CADPS: variants seen among roughly 807,000 people sequenced by gnomAD.
CADPS encodes the protein calcium dependent secretion activator.
In CADPS, 57 loss-of-function variants were observed where a neutral mutation model predicts 167.3. The ratio of observed to expected loss-of-function variants is 0.34; its 90% CI spans 0.28 to 0.42. The LOEUF (loss-of-function observed/expected upper bound fraction) is 0.42, where lower values mean the gene tolerates loss of function less well. Ranked by LOEUF, CADPS falls within the 20% of genes least tolerant of loss-of-function variation. The pLI is 1.00. For missense variants in CADPS, 1,414 were observed against 1,738.1 expected (o/e 0.81, Z 3.32); for synonymous variants, 676 against 635.3 (o/e 1.06, Z -0.96).
chr3:62,555,118 C>T (rs775626795), intron 10 of CADPS, among the ~76,000 whole-genome samples: 5 of 152,110 alleles, frequency 3.3e-5, no homozygotes, highest in African/African-American at 1.2e-4. Flanking sequence ...TTTAAGTCTC[C>T]GTTTTCAATC....
intron 1 of CADPS, among the ~76,000 whole-genome samples, chr3:62,863,337 G>A (rs2081146486): frequency 6.6e-6 from 1 of 152,104 alleles, no homozygotes; most frequent in East Asian, 1.9e-4. Flanking sequence ...CTGTAGGATT[G>A]GGATGATTAG....
At chr3:62,847,049 T>C (rs1178978577) in intron 1 of CADPS, among the ~76,000 whole-genome samples, 2 of 152,234 alleles carry the variant, frequency 1.3e-5, no homozygotes, top group African/African-American at 4.8e-5. Context: ...GTCATTATCC[T>C]GACTAATGCT....
intron 3 of CADPS, among the ~76,000 whole-genome samples, chr3:62,665,364 G>T (rs1051577331): frequency 1.8e-4 from 28 of 152,148 alleles, no homozygotes; most frequent in Non-Finnish European, 7.4e-5. Context: ...AAACAACTTT[G>T]TAAGGTTGGT....
chr3:62,731,089 G>T (rs71296793), intron 3 of CADPS, among the ~76,000 whole-genome samples: 12,661 of 152,252 alleles, frequency 0.083, 636 homozygotes, highest in Non-Finnish European at 0.11. Context: ...AGAGGTCTTG[G>T]TGAGTGGGTG....
intron 11 of CADPS, 137 bp downstream of exon 11, chr3:62,549,766 C>T (rs867798045): frequency 1.4e-6 from 1 of 692,018 alleles, no homozygotes; most frequent in Middle Eastern, 3.2e-4. Flanking sequence ...CAACTTTCCC[C>T]CTGAATTCAC....
chr3:62,780,623 C>T (rs2091388309), intron 1 of CADPS, among the ~76,000 whole-genome samples: 1 of 152,120 alleles, frequency 6.6e-6, no homozygotes, highest in East Asian at 1.9e-4. Flanking sequence ...TTGTAGAATA[C>T]TGATAAGTTG....
chr3:62,705,314 TC>T (rs2082123001), intron 3 of CADPS, among the ~76,000 whole-genome samples: 2 of 152,142 alleles, frequency 1.3e-5, no homozygotes, highest in African/African-American at 4.8e-5. Context: ...TGAGGAATCC[TC>T]CTTTGCCCAC....
Position 62,592,641 on chromosome 3 carries a change from C to A in CADPS, c.1433G>T (p.Gly478Val). The part of the protein sequence containing the change: ...GVLALEDKEL[G>V]RVILHPTPNS... ...CTTGTGATAAGAAGTGCTTACCCGC[C>A]CAAGCTCCTTGTCCTCCAACGCCAG... The change falls in exon 7 of 30, where the codon GGG becomes GTG. Residue 478 changes from glycine (G) to valine (V), a missense_variant. Around this residue, in one of 6 missense-constraint regions of CADPS, gnomAD observed 157 missense variants for 229.4 expected, o/e 0.68. Coordinates refer to ENST00000383710, the MANE Select transcript of CADPS (RefSeq NM_003716.4). 1 of 1,613,148 alleles carries A rather than the reference C, an allele frequency of 6.2e-7. No homozygotes were observed. The highest frequency in any genetic ancestry group is 8.5e-7 in the Non-Finnish European group (1 of 1,179,128).
intron 3 of CADPS, among the ~76,000 whole-genome samples, chr3:62,730,296 G>T (rs958225028): frequency 6.6e-6 from 1 of 152,056 alleles, no homozygotes; most frequent in African/African-American, 2.4e-5. Context: ...GGACATTTTG[G>T]TTGTCACCAA....
intron 3 of CADPS, among the ~76,000 whole-genome samples, chr3:62,726,773 C>T (rs2076824018): frequency 6.6e-6 from 1 of 151,824 alleles, no homozygotes; most frequent in Non-Finnish European, 1.5e-5. Flanking sequence ...ACCAATAAAC[C>T]CTCAGACAAA....
chr3:62,492,296 T>C lies in CADPS; in HGVS notation c.2878A>G (p.Thr960Ala), dbSNP rs2063882243. 2 of 1,613,950 alleles carry C rather than the reference T, an allele frequency of 1.2e-6. No homozygotes were observed. Among genetic ancestry groups the C allele is most frequent in the Non-Finnish European group, 1.7e-6 (2 of 1,179,854 alleles). Residue 960 changes from threonine to alanine, a missense_variant, in exon 20 of 30, where the codon ACT (threonine) becomes GCT (alanine). Physicochemically the swap from Thr to Ala is moderately conservative, Grantham distance 58. Transcript: ENST00000383710. ...LFQLLNDFLR[T>A]DYNLCNGKFH... ...AGTCAAAGGTAATACATACAGTCAG[T>C]ACGGAGAAAATCATTCAGCAGCTGA...
At chr3:62,794,777 G>GT (rs1332664597) in intron 1 of CADPS, among the ~76,000 whole-genome samples, 13 of 60,344 alleles carry the variant, frequency 2.2e-4, no homozygotes, top group Non-Finnish European at 3.0e-4. Context: ...ACGCAAGGTG[G>GT]TAAAAAAAAA....
At chr3:62,717,730 G>A (rs527492690) in intron 3 of CADPS, among the ~76,000 whole-genome samples, 1 of 152,234 alleles carries the variant, frequency 6.6e-6, no homozygotes, top group African/African-American at 2.4e-5. Context: ...CCTTAAAATA[G>A]CCAGGGTGAT....
chr3:62,546,222 T>C (rs185268724), intron 11 of CADPS, among the ~76,000 whole-genome samples: 124 of 152,266 alleles, frequency 8.1e-4, no homozygotes, highest in African/African-American at 2.9e-3. Context: ...AGTGTATAGA[T>C]TGGCAACCAA....
chr3:62,483,941 A>G (rs1309888800), intron 21 of CADPS, among the ~76,000 whole-genome samples: 4 of 152,230 alleles, frequency 2.6e-5, no homozygotes, highest in Non-Finnish European at 5.9e-5. Flanking sequence ...GAGCAAATTA[A>G]AAGTAGCTAG....
intron 1 of CADPS, among the ~76,000 whole-genome samples, chr3:62,802,050 C>A (rs1576602900): frequency 6.6e-6 from 1 of 151,978 alleles, no homozygotes; most frequent in Non-Finnish European, 1.5e-5. Flanking sequence ...AGATTGGCAG[C>A]TTTGCCTCCC....
chr3:62,762,058 G>A (rs565923471), intron 2 of CADPS, among the ~76,000 whole-genome samples: 16 of 152,138 alleles, frequency 1.1e-4, no homozygotes, highest in Non-Finnish European at 2.1e-4. Context: ...GTTGTTAATG[G>A]TGACTAGCTT....
chr3:62,559,939 A>C (rs1164502858), intron 9 of CADPS, among the ~76,000 whole-genome samples: 1 of 151,402 alleles, frequency 6.6e-6, no homozygotes, highest in African/African-American at 2.4e-5. Context: ...TTCAAGATTT[A>C]TGCATTTACT....
chr3:62,492,428 C>G lies in CADPS; in HGVS notation c.2746G>C (p.Asp916His). ...DKGEAFAWWS[D>H]LMVEHAETFL... ...GTCTCCGCATGCTCCACCATTAAAT[C>G]TGACCACCACGCAAAGGCCTTTAAA... Residue 916 changes from aspartate (D) to histidine (H), a missense_variant, in exon 20 of 30, where the codon GAT becomes CAT. Transcript: ENST00000383710. 1 of 1,613,954 alleles carries G rather than the reference C, an allele frequency of 6.2e-7. No individual in the cohort carries two copies. The highest frequency in any genetic ancestry group is 8.5e-7 in the Non-Finnish European group (1 of 1,179,870).
Sources: allele counts gnomAD v4.1 joint callset (sites outside exome capture counted in the v4.1 genomes callset), GRCh38; gene constraint gnomAD v4.1.1; regional missense constraint gnomAD v4.1.1; transcripts MANE v1.5; gene names NCBI Gene and HGNC (gene_info 2026-07-23, HGNC 2026-07-21).